The following PHKB variants were observed in gnomAD, a reference collection of about 807,000 sequenced individuals.
PHKB encodes phosphorylase kinase regulatory subunit beta, also known as phosphorylase b kinase regulatory subunit beta.
PHKB carries 122 observed loss-of-function variants against 152.1 expected under a neutral mutation model. The ratio of observed to expected loss-of-function variants is 0.80; its 90% CI spans 0.69 to 0.93. The LOEUF (loss-of-function observed/expected upper bound fraction) is 0.93, where lower values mean the gene tolerates loss of function less well. Among genes scored for constraint, PHKB ranks in the 40% least tolerant of loss-of-function variants. The pLI is 0.00. For missense variants in PHKB, 1,304 were observed against 1,328.4 expected (o/e 0.98, Z 0.29); for synonymous variants, 436 against 464.9 (o/e 0.94, Z 0.80).
chr16:47,532,691 C>T (rs1970882207), intron 6 of PHKB, among the ~76,000 whole-genome samples: 1 of 152,222 alleles, frequency 6.6e-6, no homozygotes. Context: ...CAGTGGCACC[C>T]AGAAGCTTGG....
chr16:47,474,318 A>G (rs745359538), intron 1 of PHKB, among the ~76,000 whole-genome samples: 2 of 152,236 alleles, frequency 1.3e-5, no homozygotes, highest in Non-Finnish European at 2.9e-5. Flanking sequence ...AATAGGCACC[A>G]GCCATAGAGA....
chr16:47,580,055 A>G (rs1971816066), intron 7 of PHKB, among the ~76,000 whole-genome samples: 1 of 152,144 alleles, frequency 6.6e-6, no homozygotes, highest in Admixed American at 6.5e-5. Context: ...CATCAATAGT[A>G]TGACCATTAG....
At chr16:47,649,922 C>CAGATAGAT (rs367864790) in intron 18 of PHKB, among the ~76,000 whole-genome samples, 5 of 151,860 alleles carry the variant, frequency 3.3e-5, no homozygotes, top group African/African-American at 1.2e-4. Context: ...GATTGATTGA[C>CAGATAGAT]AGATAGATAG....
chr16:47,617,021 G>A (rs1007238780), intron 14 of PHKB, among the ~76,000 whole-genome samples: 4 of 151,750 alleles, frequency 2.6e-5, no homozygotes, highest in African/African-American at 9.7e-5. Flanking sequence ...GGTGTTCCTT[G>A]CCCTCATTCT....
At chr16:47,571,197 G>T (rs1971651886) in intron 7 of PHKB, among the ~76,000 whole-genome samples, 1 of 152,116 alleles carries the variant, frequency 6.6e-6, no homozygotes, top group African/African-American at 2.4e-5. Flanking sequence ...TTGTTCCCCA[G>T]TAGTGTGTAC....
Position 47,590,587 on chromosome 16 carries a change from C to G in PHKB, c.1068+1485C>G, listed in dbSNP as rs546551855. 3 of 152,312 alleles carry G rather than the reference C, an allele frequency of 2.0e-5. No homozygotes were observed. In the South Asian group the frequency reaches 6.2e-4, roughly 32 times the overall value. The allele number at this position is 152,312 out of a possible 1,614,324, so 9.4% of individuals were successfully genotyped here. On this transcript the variant is annotated intron_variant, in intron 10 of 30. Coordinates refer to ENST00000323584, the MANE Select transcript of PHKB (RefSeq NM_000293.3). The stretch of plus-strand genomic sequence containing the variant: ...TTCCTATTTAATACATTTTCTGTGC[C>G]AATATTTACAGCACTTACATTTGAA...
intron 14 of PHKB, among the ~76,000 whole-genome samples, chr16:47,622,170 T>G (rs934835079): frequency 6.6e-5 from 10 of 152,170 alleles, no homozygotes; most frequent in African/African-American, 1.7e-4. Context: ...TGAATCTATA[T>G]TTCTGACATT....
intron 7 of PHKB, among the ~76,000 whole-genome samples, chr16:47,577,388 A>G (rs757964303): frequency 6.6e-6 from 1 of 152,218 alleles, no homozygotes; most frequent in African/African-American, 2.4e-5. Flanking sequence ...TCAACTGTCA[A>G]AATTCAAGAG....
At chr16:47,530,132 C>CA (rs745995943) in intron 6 of PHKB, among the ~76,000 whole-genome samples, 1 of 129,748 alleles carries the variant, frequency 7.7e-6, no homozygotes, top group Non-Finnish European at 1.6e-5. Context: ...ATATAAACTC[C>CA]TTTTTTTTTT....
At chr16:47,661,842 C>G (rs750001746) in intron 23 of PHKB, 42 bp downstream of exon 23, 1 of 1,233,470 alleles carries the variant, frequency 8.1e-7, no homozygotes, top group East Asian at 2.3e-5. Flanking sequence ...GAGGACCTCT[C>G]TAGCCTTGAA....
At chr16:47,611,894 A>G (rs1299298871) in intron 14 of PHKB, among the ~76,000 whole-genome samples, 2 of 152,202 alleles carry the variant, frequency 1.3e-5, no homozygotes, top group Non-Finnish European at 2.9e-5. Flanking sequence ...TTAATATGTG[A>G]TGAAAATTTC....
In PHKB at chr16:47,693,430, G is replaced by T. The variant is rs929325638; in HGVS notation, c.2818G>T (p.Gly940Trp). 1.2e-6 allele frequency: 2 copies of T among 1,613,974 alleles called. No homozygotes were observed. Residue 940 changes from glycine (G) to tryptophan (W), a missense_variant, in exon 28 of 31, where the codon GGG becomes TGG. Physicochemically the swap from Gly to Trp is radical, Grantham distance 184. Transcript: ENST00000323584. ...TGGGTCTTTGAATAGAACTCCCACCGGGTTCTATGACCGAGTGTGGCAGAT... is the reference window on the plus strand; with the variant it reads ...TGGGTCTTTGAATAGAACTCCCACCTGGTTCTATGACCGAGTGTGGCAGAT... ...IDGSLNRTPT[G>W]FYDRVWQILE...
intron 6 of PHKB, among the ~76,000 whole-genome samples, chr16:47,546,300 G>A (rs1458027266): frequency 2.0e-5 from 3 of 152,092 alleles, no homozygotes; most frequent in African/African-American, 2.4e-5. Flanking sequence ...CGTTGATGTC[G>A]ATGCTATTCC....
intron 1 of PHKB, among the ~76,000 whole-genome samples, chr16:47,469,828 G>A (rs1969733754): frequency 6.6e-6 from 1 of 152,116 alleles, no homozygotes; most frequent in Non-Finnish European, 1.5e-5. Flanking sequence ...TGTGTCTAAT[G>A]TTTTGCACTT....
intron 1 of PHKB, chr16:47,463,943 C>A: frequency 1.2e-6 from 2 of 1,614,032 alleles, no homozygotes; most frequent in Non-Finnish European, 1.7e-6. Context: ...TTTGAAATGG[C>A]CTGCTCACCT....
intron 1 of PHKB, among the ~76,000 whole-genome samples, chr16:47,485,998 T>C (rs991909173): frequency 6.6e-6 from 1 of 152,090 alleles, no homozygotes; most frequent in African/African-American, 2.4e-5. Flanking sequence ...AAAAAAAGTT[T>C]CCTGAAACAT....
intron 23 of PHKB, 36 bp from the exon 24 acceptor site, chr16:47,663,641 C>T (rs1567346691): frequency 6.4e-7 from 1 of 1,572,266 alleles, no homozygotes; most frequent in Non-Finnish European, 8.7e-7. Flanking sequence ...TAATTAAAAG[C>T]TTTGTTCAAC....
intron 6 of PHKB, among the ~76,000 whole-genome samples, chr16:47,517,758 T>TA (rs1252216698): frequency 2.0e-5 from 3 of 152,148 alleles, no homozygotes; most frequent in Non-Finnish European, 2.9e-5. Flanking sequence ...CTGCTTTTTT[T>TA]AAAAAAATTT....
chr16:47,487,886 T>C (rs1350533144), intron 1 of PHKB, among the ~76,000 whole-genome samples: 2 of 152,192 alleles, frequency 1.3e-5, no homozygotes, highest in Non-Finnish European at 2.9e-5. Context: ...TTGTGAATAG[T>C]GCTGCAGTGA....
Sources: gnomAD v4.1 joint callset for allele counts (sites outside exome capture counted in the v4.1 genomes callset) on GRCh38, gnomAD v4.1.1 for gene constraint, MANE v1.5 for transcripts, NCBI Gene and HGNC (gene_info 2026-07-23, HGNC 2026-07-21) for gene names.